Variants in NSMCE2 observed in about 807,000 individuals in gnomAD.
The protein encoded by NSMCE2 is NSE2 SUMO ligase component of SMC5/6 complex.
In NSMCE2, 24 loss-of-function variants were observed where a neutral mutation model predicts 23.8. The observed-to-expected ratio is 1.01, with a 90% CI of 0.73 to 1.42. The LOEUF (loss-of-function observed/expected upper bound fraction) is 1.42. NSMCE2 is among the 40% of genes most tolerant of loss of function. NSMCE2 has a pLI of 0.00. For missense variants in NSMCE2, 284 were observed against 296.5 expected, an observed-to-expected ratio of 0.96 and a Z score of 0.31; for synonymous variants, 92 against 94.1, an observed-to-expected ratio of 0.98 and a Z score of 0.13.
At chr8:125,156,730 G>A (rs946323461) in intron 4 of NSMCE2, among the ~76,000 whole-genome samples, 5 of 152,152 alleles carry the variant, frequency 3.3e-5, no homozygotes, top group Admixed American at 2.6e-4. Flanking sequence ...AGCAATCTTA[G>A]ATATAATAAA....
intron 4 of NSMCE2, chr8:125,155,937 A>G: frequency 2.2e-6 from 1 of 448,458 alleles, no homozygotes. Flanking sequence ...GAATGACCCA[A>G]CAAGTTCAGA....
At chr8:125,274,252 CA>C (rs944112993) in intron 5 of NSMCE2, among the ~76,000 whole-genome samples, 11 of 150,622 alleles carry the variant, frequency 7.3e-5, no homozygotes, top group Non-Finnish European at 1.2e-4. Context: ...GAAAATGAAA[CA>C]AAAAAAAACT....
At chr8:125,365,080 C>T (rs1813719629) in intron 7 of NSMCE2, among the ~76,000 whole-genome samples, 1 of 152,106 alleles carries the variant, frequency 6.6e-6, no homozygotes, top group Non-Finnish European at 1.5e-5. Flanking sequence ...GTGGGTGACT[C>T]ACTGATGTCT....
intron 4 of NSMCE2, among the ~76,000 whole-genome samples, chr8:125,167,196 A>G (rs1011612230): frequency 6.6e-6 from 1 of 152,194 alleles, no homozygotes. Context: ...GGTATGACCA[A>G]CCACTACTGA....
intron 5 of NSMCE2, among the ~76,000 whole-genome samples, chr8:125,278,972 T>C (rs1279081835): frequency 1.3e-5 from 2 of 151,978 alleles, no homozygotes; most frequent in Non-Finnish European, 2.9e-5. Context: ...AATGTGAAAA[T>C]ATAAAGCATA....
At chr8:125,163,816 A>G (rs768802374) in intron 4 of NSMCE2, among the ~76,000 whole-genome samples, 1 of 152,234 alleles carries the variant, frequency 6.6e-6, no homozygotes, top group Non-Finnish European at 1.5e-5. Context: ...AAATTCTGGA[A>G]CACAGTTTCC....
intron 5 of NSMCE2, among the ~76,000 whole-genome samples, chr8:125,234,519 A>G (rs1013211159): frequency 6.6e-6 from 1 of 152,182 alleles, no homozygotes; most frequent in Non-Finnish European, 1.5e-5. Context: ...ATCTCCCTAA[A>G]GTGTAACTTT....
chr8:125,298,120 T>G (rs1828401991), intron 5 of NSMCE2, among the ~76,000 whole-genome samples: 1 of 151,934 alleles, frequency 6.6e-6, no homozygotes. Context: ...ATTTGCCTGG[T>G]GTGGTGGTAC....
At chr8:125,176,527 C>T (rs1472992442) in intron 4 of NSMCE2, among the ~76,000 whole-genome samples, 1 of 152,152 alleles carries the variant, frequency 6.6e-6, no homozygotes, top group East Asian at 1.9e-4. Context: ...CCATTAAAAT[C>T]CATACACTGG....
intron 4 of NSMCE2, among the ~76,000 whole-genome samples, chr8:125,158,408 A>G (rs190294281): frequency 3.9e-5 from 6 of 152,260 alleles, no homozygotes; most frequent in Admixed American, 3.9e-4. Flanking sequence ...AATGTTTGAG[A>G]GGAAAAGAAG....
intron 4 of NSMCE2, among the ~76,000 whole-genome samples, chr8:125,181,766 C>G (rs1465454098): frequency 6.6e-6 from 1 of 151,970 alleles, no homozygotes; most frequent in Non-Finnish European, 1.5e-5. Context: ...GAGGACTGAG[C>G]AGACTTGGGT....
chr8:125,268,854 T>C (rs1458326979), intron 5 of NSMCE2, among the ~76,000 whole-genome samples: 1 of 152,130 alleles, frequency 6.6e-6, no homozygotes, highest in Non-Finnish European at 1.5e-5. Context: ...TGAGTAATCA[T>C]AGGAGTAGTC....
At chr8:125,170,851 C>T (rs1271507227) in intron 4 of NSMCE2, among the ~76,000 whole-genome samples, 1 of 152,136 alleles carries the variant, frequency 6.6e-6, no homozygotes, top group Non-Finnish European at 1.5e-5. Context: ...GCTTCTGCTC[C>T]TCCTCCCCTA....
chr8:125,232,248 A>G (rs1563733382), intron 5 of NSMCE2, among the ~76,000 whole-genome samples: 2 of 152,106 alleles, frequency 1.3e-5, no homozygotes, highest in Admixed American at 6.6e-5. Context: ...CTGTAATCGC[A>G]GCTACTCGGG....
At chr8:125,241,023 G>C (rs556905398) in intron 5 of NSMCE2, among the ~76,000 whole-genome samples, 2 of 152,268 alleles carry the variant, frequency 1.3e-5, no homozygotes, top group Admixed American at 1.3e-4. Context: ...GGGACCAGAA[G>C]TGTTTTGGAT....
rs1290689116 is a variant in NSMCE2, at chr8:125,234,727, T to C, written c.418+52471T>C. Among the ~76,000 whole-genome samples, 4 of 152,238 alleles carry C rather than the reference T, an allele frequency of 2.6e-5. No homozygotes were observed. The East Asian group carries it at 7.7e-4, about 29-fold the overall frequency. On this transcript the variant is annotated intron_variant, in intron 5 of 7. Coordinates refer to ENST00000287437, the MANE Select transcript of NSMCE2 (RefSeq NM_173685.4). ...GTTGATGATGTTCCACATTTTCTGC[T>C]GTGGCTTTGTTATGCCCTTTCAATC...
At chr8:125,336,887 C>T (rs1443571223) in intron 5 of NSMCE2, among the ~76,000 whole-genome samples, 2 of 152,164 alleles carry the variant, frequency 1.3e-5, no homozygotes, top group Non-Finnish European at 2.9e-5. Context: ...CTATTGGCAA[C>T]ATAGGCATTC....
chr8:125,360,270 T>C (rs148135096), intron 7 of NSMCE2, among the ~76,000 whole-genome samples: 225 of 152,284 alleles, frequency 1.5e-3, no homozygotes, highest in African/African-American at 5.0e-3. Context: ...AGTGTGAGTT[T>C]TGCAGTCAGG....
At chr8:125,135,889 C>T (rs1820043556) in intron 3 of NSMCE2, among the ~76,000 whole-genome samples, 1 of 152,098 alleles carries the variant, frequency 6.6e-6, no homozygotes, top group Non-Finnish European at 1.5e-5. Flanking sequence ...TATTCTAGGT[C>T]CTTTGCATTT....
Sources: gnomAD v4.1 joint callset for allele counts (sites outside exome capture counted in the v4.1 genomes callset) on GRCh38, gnomAD v4.1.1 for gene constraint, MANE v1.5 for transcripts, NCBI Gene and HGNC (gene_info 2026-07-23, HGNC 2026-07-21) for gene names.